Variants in MLLT3 observed in about 807,000 individuals in gnomAD.
MLLT3 encodes the protein MLLT3 super elongation complex subunit.
A neutral mutation model predicts 53.2 loss-of-function variants in MLLT3; 4 were observed. The ratio of observed to expected loss-of-function variants is 0.08; its 90% CI spans 0.04 to 0.17. The LOEUF (loss-of-function observed/expected upper bound fraction) is 0.17, where lower values mean the gene tolerates loss of function less well. Among genes scored for constraint, MLLT3 ranks in the 10% least tolerant of loss-of-function variants. The probability of loss-of-function intolerance (pLI) is 1.00; values close to 1 mark genes in which losing one functional copy is unlikely to be tolerated. For missense variants in MLLT3, 569 were observed against 684.0 expected, an observed-to-expected ratio of 0.83 and a Z score of 1.87; for synonymous variants, 283 against 230.6, an observed-to-expected ratio of 1.23 and a Z score of -2.06.
Position 20,621,780 on chromosome 9 carries a change from G to T in MLLT3, c.12+465C>A. 1 of 1,478,906 alleles carries T rather than the reference G, an allele frequency of 6.8e-7. No homozygotes were observed. The highest frequency in any genetic ancestry group is 2.4e-5 in the Admixed American group (1 of 41,352). 91.6% of individuals were successfully genotyped at this position (1,478,906 alleles called of 1,614,324 possible). Reference sequence around the variant, plus strand: ...GCGCCGCGGAGAACGCACCATCGTAGCGGCCGCGGCGCTTTGCGGAGGTGC... The same window carrying T: ...GCGCCGCGGAGAACGCACCATCGTATCGGCCGCGGCGCTTTGCGGAGGTGC... On this transcript the variant is annotated intron_variant, in intron 1 of 10. Coordinates refer to ENST00000380338, the MANE Select transcript of MLLT3 (RefSeq NM_004529.4). This position sits in a 1 kb window ranked among gnomAD's most constrained non-coding sequence, Gnocchi z 7.0.
intron 5 of MLLT3, 85 bp from the exon 6 acceptor site, chr9:20,365,829 C>G: frequency 7.3e-7 from 1 of 1,363,140 alleles, no homozygotes; most frequent in Non-Finnish European, 1.0e-6. Context: ...TTGCTCAAAC[C>G]ATCCTCTGCA....
At chr9:20,370,683 A>G (rs1422732834) in intron 5 of MLLT3, among the ~76,000 whole-genome samples, 2 of 151,960 alleles carry the variant, frequency 1.3e-5, no homozygotes, top group Non-Finnish European at 2.9e-5. Context: ...GCTAATTTGT[A>G]TATTTTTGGT....
intron 2 of MLLT3, among the ~76,000 whole-genome samples, chr9:20,570,754 C>A (rs1244810047): frequency 6.9e-6 from 1 of 144,690 alleles, no homozygotes; most frequent in Non-Finnish European, 1.5e-5. Context: ...ACCGATTGTT[C>A]TTCTTTAAAA....
At chr9:20,571,707 A>G (rs1563823748) in intron 2 of MLLT3, among the ~76,000 whole-genome samples, 1 of 152,194 alleles carries the variant, frequency 6.6e-6, no homozygotes, top group Non-Finnish European at 1.5e-5. Flanking sequence ...CTGATTTTAA[A>G]ATGGGCAAAG....
At chr9:20,476,974 G>GT (rs142950000) in intron 2 of MLLT3, among the ~76,000 whole-genome samples, 5,553 of 152,144 alleles carry the variant, frequency 0.036, 336 homozygotes, top group African/African-American at 0.13. Context: ...ATGGTCTTTT[G>GT]TTTTTTCCAC....
intron 5 of MLLT3, among the ~76,000 whole-genome samples, chr9:20,370,298 T>C (rs919877540): frequency 2.0e-5 from 3 of 152,198 alleles, no homozygotes; most frequent in East Asian, 1.9e-4. Flanking sequence ...GATGCTACTA[T>C]TGTAATTGCT....
At chr9:20,516,694 A>G (rs1817928540) in intron 2 of MLLT3, among the ~76,000 whole-genome samples, 1 of 152,214 alleles carries the variant, frequency 6.6e-6, no homozygotes, top group South Asian at 2.1e-4. Context: ...GCCTCTCCTA[A>G]CAAGTAGTTA....
At chr9:20,445,893 G>A (rs548408467) in intron 4 of MLLT3, among the ~76,000 whole-genome samples, 17 of 152,192 alleles carry the variant, frequency 1.1e-4, no homozygotes, top group African/African-American at 3.6e-4. Context: ...AGACATAATC[G>A]TGAACTCATT....
chr9:20,610,411 C>T (rs1191340829), intron 2 of MLLT3, among the ~76,000 whole-genome samples: 1 of 152,162 alleles, frequency 6.6e-6, no homozygotes, highest in Non-Finnish European at 1.5e-5. Flanking sequence ...TGATTCTCAG[C>T]AGACACAATG....
At chr9:20,472,248 T>G (rs1474243593) in intron 2 of MLLT3, among the ~76,000 whole-genome samples, 1 of 152,116 alleles carries the variant, frequency 6.6e-6, no homozygotes, top group Non-Finnish European at 1.5e-5. Flanking sequence ...TAAACTAGTA[T>G]GCAAATTTTT....
At position 20,419,524 on chromosome 9, in the gene MLLT3, T is replaced by TAAAA. The variant is rs535459362; in HGVS notation, c.421-5103_421-5100dup. Among the ~76,000 whole-genome samples the TAAAA allele has an allele frequency of 7.6e-5, 11 of 144,622 alleles. No individual in the cohort carries two copies. The South Asian group carries it at 1.7e-3, about 23-fold the overall frequency. 94.9% of individuals were successfully genotyped at this position (144,622 alleles called of 152,430 possible). Reference sequence around the variant, plus strand: ...ACAATCTCACAGAGCTCACTATACTTAAAAAAAAAGGGAAAGAAAAAAAAA... The same window carrying TAAAA: ...ACAATCTCACAGAGCTCACTATACTTAAAAAAAAAAAAAGGGAAAGAAAAAAAAA... On this transcript the variant is annotated intron_variant, in intron 4 of 10. Coordinates refer to ENST00000380338, the MANE Select transcript of MLLT3 (RefSeq NM_004529.4).
chr9:20,353,955 A>G (rs1208168298), intron 9 of MLLT3, among the ~76,000 whole-genome samples: 1 of 151,506 alleles, frequency 6.6e-6, no homozygotes, highest in Non-Finnish European at 1.5e-5. Context: ...GGCTACTTTC[A>G]TTTTTTTTTC....
At chr9:20,517,906 T>C (rs962393227) in intron 2 of MLLT3, among the ~76,000 whole-genome samples, 1 of 151,430 alleles carries the variant, frequency 6.6e-6, no homozygotes, top group African/African-American at 2.4e-5. Flanking sequence ...GCAAAAGAGA[T>C]GAAGACTTGT....
rs183986980 is a variant in MLLT3, at chr9:20,577,667, G to C, written c.193+42987C>G. On this transcript the variant is annotated intron_variant, in intron 2 of 10. Coordinates refer to ENST00000380338, the MANE Select transcript of MLLT3 (RefSeq NM_004529.4). ...CACAATAGAAGACAGACTTCTGCCA[G>C]ACACAGCCATGACAGATTCGAAAGG... Among the ~76,000 whole-genome samples, 185 of 152,282 alleles carry C rather than the reference G, an allele frequency of 1.2e-3. 2 individuals carry two copies. The highest frequency in any genetic ancestry group is 4.4e-3 in the African/African-American group (181 of 41,562).
chr9:20,487,983 T>C (rs1407679579), intron 2 of MLLT3, among the ~76,000 whole-genome samples: 2 of 152,098 alleles, frequency 1.3e-5, no homozygotes, highest in African/African-American at 2.4e-5. Flanking sequence ...AATGTTCAAA[T>C]CCTGCACATT....
intron 5 of MLLT3, among the ~76,000 whole-genome samples, chr9:20,372,161 A>G (rs1305625066): frequency 6.6e-6 from 1 of 152,206 alleles, no homozygotes; most frequent in Admixed American, 6.5e-5. Flanking sequence ...ATGAGCAAAG[A>G]AACTGGTTTC....
intron 2 of MLLT3, among the ~76,000 whole-genome samples, chr9:20,516,198 G>A (rs940568489): frequency 6.6e-6 from 1 of 152,150 alleles, no homozygotes; most frequent in African/African-American, 2.4e-5. Context: ...GGAGGAGAAA[G>A]TATCCCCATC....
intron 5 of MLLT3, among the ~76,000 whole-genome samples, chr9:20,381,594 G>A (rs978202464): frequency 6.6e-5 from 10 of 151,900 alleles, no homozygotes; most frequent in South Asian, 2.1e-4. Context: ...AGTTAAAAAT[G>A]AAATACATGT....
intron 4 of MLLT3, among the ~76,000 whole-genome samples, chr9:20,431,248 G>C (rs1207410857): frequency 6.6e-6 from 1 of 152,056 alleles, no homozygotes; most frequent in African/African-American, 2.4e-5. Flanking sequence ...AGCAATATTA[G>C]TATTACCTAG....
Sources: allele counts gnomAD v4.1 joint callset (sites outside exome capture counted in the v4.1 genomes callset), GRCh38; gene constraint gnomAD v4.1.1; non-coding constraint Gnocchi (gnomAD v3.1); transcripts MANE v1.5; gene names NCBI Gene and HGNC (gene_info 2026-07-23, HGNC 2026-07-21).